The following PRKD1 variants were observed in gnomAD, a reference collection of about 807,000 sequenced individuals.
The protein encoded by PRKD1 is protein kinase D1.
In PRKD1, 63 loss-of-function variants were observed where a neutral mutation model predicts 95.9. The ratio of observed to expected loss-of-function variants is 0.66; its 90% confidence interval spans 0.54 to 0.81. PRKD1 has a LOEUF of 0.81. Ranked by LOEUF, PRKD1 falls within the 30% of genes least tolerant of loss-of-function variation. The pLI is 0.00. For synonymous variants in PRKD1, 425 were observed against 423.1 expected, an observed-to-expected ratio of 1.00 and a Z score of -0.05; for missense variants, 1,048 against 1,165.3, an observed-to-expected ratio of 0.90 and a Z score of 1.47.
intron 16 of PRKD1, among the ~76,000 whole-genome samples, chr14:29,579,060 A>G (rs1436465623): frequency 2.6e-5 from 4 of 151,970 alleles, no homozygotes; most frequent in Admixed American, 6.6e-5. Context: ...TAGAACCACA[A>G]TCCCTCTGGC....
intron 9 of PRKD1, 91 bp downstream of exon 9, chr14:29,632,778 T>C (rs1880100757): frequency 8.4e-7 from 1 of 1,183,546 alleles, no homozygotes; most frequent in African/African-American, 1.5e-5. Context: ...ATAGCCACGT[T>C]TGTTGGATGT....
chr14:29,750,120 A>C (rs1046848527), intron 1 of PRKD1, among the ~76,000 whole-genome samples: 3 of 152,198 alleles, frequency 2.0e-5, no homozygotes, highest in African/African-American at 7.2e-5. Context: ...TATTCTATGA[A>C]ATGTGAAACA....
chr14:29,588,479 T>C (rs1443553435), intron 16 of PRKD1, among the ~76,000 whole-genome samples: 1 of 152,226 alleles, frequency 6.6e-6, no homozygotes, highest in Non-Finnish European at 1.5e-5. Flanking sequence ...CTTAAAAATT[T>C]AGATGCCTTG....
At chr14:29,749,143 T>G (rs1174934114) in intron 1 of PRKD1, among the ~76,000 whole-genome samples, 1 of 152,152 alleles carries the variant, frequency 6.6e-6, no homozygotes. Context: ...CCCTCTGTAA[T>G]TAAGGAGAGG....
chr14:29,784,192 T>G (rs542990439), intron 1 of PRKD1, among the ~76,000 whole-genome samples: 41 of 152,238 alleles, frequency 2.7e-4, no homozygotes, highest in Admixed American at 2.2e-3. Flanking sequence ...CATATGAATA[T>G]CCAGTGTTCC....
At chr14:29,757,263 A>G (rs758150514) in intron 1 of PRKD1, among the ~76,000 whole-genome samples, 1 of 152,120 alleles carries the variant, frequency 6.6e-6, no homozygotes, top group Admixed American at 6.5e-5. Flanking sequence ...GCTAAACCCA[A>G]AGGATTCTGG....
At chr14:29,679,597 C>A (rs1024897977) in intron 2 of PRKD1, among the ~76,000 whole-genome samples, 1 of 151,784 alleles carries the variant, frequency 6.6e-6, no homozygotes, top group Non-Finnish European at 1.5e-5. Context: ...CAAGACAGGT[C>A]AAGTAAACTA....
intron 2 of PRKD1, among the ~76,000 whole-genome samples, chr14:29,672,340 CA>C (rs564550184): frequency 1.6e-4 from 20 of 123,668 alleles, no homozygotes; most frequent in African/African-American, 3.3e-4. Context: ...GACTCTGTCT[CA>C]AAAAAAAAAT....
chr14:29,848,993 C>T (rs4310768), intron 1 of PRKD1, among the ~76,000 whole-genome samples: 6,178 of 152,258 alleles, frequency 0.041, 408 homozygotes, highest in African/African-American at 0.14. Flanking sequence ...AACATTACAA[C>T]CAATCCCAGA....
intron 2 of PRKD1, among the ~76,000 whole-genome samples, chr14:29,667,710 C>T (rs1048495520): frequency 2.0e-5 from 3 of 151,936 alleles, no homozygotes; most frequent in African/African-American, 7.3e-5. Context: ...CTAGCTTCTC[C>T]CCTCAGCCCC....
chr14:29,634,133 T>A (rs1566501352), intron 8 of PRKD1, among the ~76,000 whole-genome samples: 1 of 152,244 alleles, frequency 6.6e-6, no homozygotes, highest in Admixed American at 6.5e-5. Context: ...AAGCACATAC[T>A]GTGGCTTCCA....
chr14:29,797,681 C>A, intron 1 of PRKD1, among the ~76,000 whole-genome samples: 1 of 152,130 alleles, frequency 6.6e-6, no homozygotes, highest in East Asian at 1.9e-4. Flanking sequence ...CCTCGAAGCA[C>A]CTGCACTGCT....
chr14:29,728,321 T>C (rs1043566177), intron 1 of PRKD1, among the ~76,000 whole-genome samples: 3 of 152,202 alleles, frequency 2.0e-5, no homozygotes, highest in African/African-American at 4.8e-5. Context: ...TAAATTGATA[T>C]AAGTGGATAA....
At chr14:29,614,583 GAAT>G (rs1312036897) in intron 13 of PRKD1, among the ~76,000 whole-genome samples, 29 of 151,910 alleles carry the variant, frequency 1.9e-4, no homozygotes, top group Non-Finnish European at 1.0e-4. Context: ...TTATCTTACT[GAAT>G]AATATCTATA....
At chr14:29,712,846 TG>T (rs1348322313) in intron 2 of PRKD1, among the ~76,000 whole-genome samples, 2 of 152,142 alleles carry the variant, frequency 1.3e-5, no homozygotes, top group Non-Finnish European at 2.9e-5. Context: ...GATGGTGGCA[TG>T]GCTGAGTTAT....
At chr14:29,668,359 G>A (rs1882641383) in intron 2 of PRKD1, among the ~76,000 whole-genome samples, 2 of 152,122 alleles carry the variant, frequency 1.3e-5, no homozygotes, top group Non-Finnish European at 2.9e-5. Context: ...GGAACAATGG[G>A]CTATCTGTTA....
chr14:29,700,988 G>GCGCACACACACACACACA (rs140824053), intron 2 of PRKD1, among the ~76,000 whole-genome samples: 1 of 90,568 alleles, frequency 1.1e-5, no homozygotes, highest in Non-Finnish European at 2.5e-5. Context: ...GCGCGCGCGC[G>GCGCACACACACACACACA]CACACACACA....
chr14:29,622,050 G>T (rs983669932), intron 13 of PRKD1, among the ~76,000 whole-genome samples: 12 of 152,146 alleles, frequency 7.9e-5, no homozygotes, highest in African/African-American at 1.2e-4. Flanking sequence ...ACAGGGACAG[G>T]TTTAGTGGAA....
In PRKD1 at chr14:29,921,922, T is replaced by G. The variant is rs10131967; in HGVS notation, c.264+5327A>C. Among the ~76,000 whole-genome samples, 1,485 of 152,328 alleles carry G rather than the reference T, an allele frequency of 9.7e-3. 13 individuals carry two copies. Among genetic ancestry groups the G allele is most frequent in the African/African-American group, 0.034 (1,421 of 41,568 alleles). On this transcript the variant is annotated intron_variant, in intron 1 of 17. Transcript: ENST00000331968. ...CAATCATCCAACTCTTCCCAGCCCA[T>G]GGACTACAAGGCTTAATGGTTTTAA...
Sources: allele counts gnomAD v4.1 joint callset (sites outside exome capture counted in the v4.1 genomes callset), GRCh38; gene constraint gnomAD v4.1.1; transcripts MANE v1.5; gene names NCBI Gene and HGNC (gene_info 2026-07-23, HGNC 2026-07-21).